The following INSL4 variants were observed in gnomAD, a reference collection of about 807,000 sequenced individuals.
INSL4 encodes early placenta insulin-like peptide.
INSL4 carries 7 observed loss-of-function variants against 6.5 expected under a neutral mutation model. That is an observed-to-expected ratio of 1.08 (90% CI 0.61 to 2.02). The LOEUF is 2.02. Among genes scored for constraint, INSL4 ranks in the 30% most tolerant of loss-of-function variants. The pLI is 0.00. For missense variants in INSL4, 226 were observed against 163.2 expected (o/e 1.38, Z -2.09); for synonymous variants, 82 against 65.8 (o/e 1.25, Z -1.19).
chr9:5,233,517 A>G, intron 1 of INSL4, 137 bp from the exon 2 acceptor site: 1 of 646,702 alleles, frequency 1.5e-6, no homozygotes, highest in Non-Finnish European at 2.7e-6. Context: ...ATGTTAGGAT[A>G]CTTGCTGATT....
chr9:5,233,361 G>C (rs1015279112), intron 1 of INSL4, among the ~76,000 whole-genome samples: 1 of 152,126 alleles, frequency 6.6e-6, no homozygotes, highest in African/African-American at 2.4e-5. Flanking sequence ...AATCAAAACA[G>C]TGTCAGGGAG....
intron 1 of INSL4, 96 bp from the exon 2 acceptor site, chr9:5,233,557 TG>T (rs150718663): frequency 0.25 from 201,005 of 806,244 alleles, 27,358 homozygotes; most frequent in South Asian, 0.3. Flanking sequence ...ATGGAGGCAA[TG>T]GGTACATTGT....
chr9:5,232,490 T>G (rs10125487), intron 1 of INSL4, among the ~76,000 whole-genome samples: 3,964 of 152,236 alleles, frequency 0.026, 184 homozygotes, highest in African/African-American at 0.091. Context: ...AATTTCACTG[T>G]TCAGACCATC....
chr9:5,233,820 T>C lies in INSL4; in HGVS notation c.363T>C (p.Asp121=), dbSNP rs1240715532. Residue 121 remains aspartate, a synonymous_variant, in exon 2 of 2, where the codon GAT becomes GAC. Coordinates refer to ENST00000239316, the MANE Select transcript of INSL4 (RefSeq NM_002195.2). ...RKKRSGRHRF[D]PFCCEVICDD... The stretch of plus-strand genomic sequence containing the variant: ...AGAGAAGTGGACGTCACAGATTTGA[T>C]CCATTCTGTTGTGAAGTAATTTGTG... 1.9e-6 allele frequency: 3 copies of C among 1,613,580 alleles called. No individual in the cohort carries two copies. Among genetic ancestry groups the C allele is most frequent in the Non-Finnish European group, 2.5e-6 (3 of 1,179,712 alleles).
In INSL4 at chr9:5,233,697, T is replaced by G; in HGVS notation, c.240T>G (p.Gly80=). The G allele has an allele frequency of 6.2e-7, 1 of 1,613,666 alleles. No homozygotes were observed. Among genetic ancestry groups the G allele is most frequent in the South Asian group, 1.1e-5 (1 of 91,064 alleles). The part of the protein sequence containing the change: ...TSNNKDGQAL[G]TTSEFIPNLS... Reference sequence around the variant, plus strand: ...ACAACAAAGATGGACAAGCCTTAGGTACGACATCAGAATTCATTCCTAATT... The same window carrying G: ...ACAACAAAGATGGACAAGCCTTAGGGACGACATCAGAATTCATTCCTAATT... Residue 80 remains glycine (G), a synonymous_variant, in exon 2 of 2, where the codon GGT becomes GGG. Transcript: ENST00000239316.
chr9:5,233,602 C>G, intron 1 of INSL4, 52 bp from the exon 2 acceptor site: 1 of 1,439,430 alleles, frequency 6.9e-7, no homozygotes. Context: ...TTCTGATCCT[C>G]TTTCACATGA....
rs1826210020 is a variant in INSL4 at position 5,235,266 on chromosome 9, A to C, written c.*1389A>C. ...TCAAACGATTCCACACAATGCAGCTATGGGGTTTAGGCTGCATCCTGGAGT... is the reference window on the plus strand; with the variant it reads ...TCAAACGATTCCACACAATGCAGCTCTGGGGTTTAGGCTGCATCCTGGAGT... On this transcript the variant is annotated 3_prime_UTR_variant, in exon 2 of 2. Coordinates refer to ENST00000239316, the MANE Select transcript of INSL4 (RefSeq NM_002195.2). 1 of 152,584 alleles carries C rather than the reference A, an allele frequency of 6.6e-6. No individual in the cohort carries two copies. The highest frequency in any genetic ancestry group is 6.6e-5 in the Admixed American group (1 of 15,246). 9.5% of individuals were successfully genotyped at this position (152,584 alleles called of 1,614,324 possible).
chr9:5,233,849 A>T lies in INSL4; in HGVS notation c.392A>T (p.Asp131Val), dbSNP rs1218427388. The change falls in exon 2 of 2, where the codon GAT becomes GTT. Residue 131 changes from aspartate to valine, a missense_variant. Physicochemically the swap from Asp to Val is radical, Grantham distance 152. Coordinates refer to ENST00000239316, the MANE Select transcript of INSL4 (RefSeq NM_002195.2). ...DPFCCEVICD[D>V]GTSVKLCT Reference sequence around the variant, plus strand: ...TTCTGTTGTGAAGTAATTTGTGACGATGGAACTTCAGTTAAATTATGTACA... The same window carrying T: ...TTCTGTTGTGAAGTAATTTGTGACGTTGGAACTTCAGTTAAATTATGTACA... 1.9e-6 allele frequency: 3 copies of T among 1,612,852 alleles called. No homozygotes were observed. Among genetic ancestry groups the T allele is most frequent in the Non-Finnish European group, 2.5e-6 (3 of 1,179,128 alleles).
chr9:5,233,760 G>A lies in INSL4; in HGVS notation c.303G>A (p.Gln101=). The A allele has an allele frequency of 6.2e-7, 1 of 1,613,640 alleles. No homozygotes were observed. Among genetic ancestry groups the A allele is most frequent in the Non-Finnish European group, 8.5e-7 (1 of 1,179,660 alleles). Residue 101 remains glutamine, a synonymous_variant, in exon 2 of 2, where the codon CAG becomes CAA. Transcript: ENST00000239316. ...PELKKPLSEG[Q]PSLKKIILSR... ...TGAAGAAACCACTGTCTGAAGGGCA[G>A]CCATCATTGAAGAAAATAATACTTT...
At chr9:5,233,475 G>C (rs1018584528) in intron 1 of INSL4, among the ~76,000 whole-genome samples, 179 bp from the exon 2 acceptor site, 53 of 152,122 alleles carry the variant, frequency 3.5e-4, no homozygotes, top group African/African-American at 1.1e-3. Flanking sequence ...GTATCTTAAA[G>C]TGCCCTACTC....
Position 5,232,336 on chromosome 9 carries a change from GT to G in INSL4, c.196+625del, listed in dbSNP as rs549049604. Among the ~76,000 whole-genome samples the G allele has an allele frequency of 5.3e-5, 8 of 152,036 alleles. No individual in the cohort carries two copies. The South Asian group carries it at 1.2e-3, about 24-fold the overall frequency. On this transcript the variant is annotated intron_variant, in intron 1 of 1. Coordinates refer to ENST00000239316, the MANE Select transcript of INSL4 (RefSeq NM_002195.2). Reference sequence around the variant, plus strand: ...ACCAAAAACGTCCTCTTACAAAAAAGTTTTTTTTAATGCACACCAACAGAGC... The same window carrying G: ...ACCAAAAACGTCCTCTTACAAAAAAGTTTTTTTAATGCACACCAACAGAGC...
intron 1 of INSL4, among the ~76,000 whole-genome samples, chr9:5,232,130 C>A (rs1392281032): frequency 6.6e-6 from 1 of 151,988 alleles, no homozygotes; most frequent in African/African-American, 2.4e-5. Context: ...CAGGCATCTT[C>A]AATTAAGAAG....
rs140074452 is a variant in INSL4 at position 5,233,871 on chromosome 9, T to C, written c.414T>C (p.Cys138=). Residue 138 remains cysteine, a synonymous_variant, in exon 2 of 2, where the codon TGT becomes TGC. Transcript: ENST00000239316. ...ACGATGGAACTTCAGTTAAATTATG[T>C]ACATAGTAGAGTAATCATGGACTGG... ...ICDDGTSVKL[C]T 7 of 1,603,064 alleles carry C rather than the reference T, an allele frequency of 4.4e-6. No homozygotes were observed. Among genetic ancestry groups the C allele is most frequent in the Non-Finnish European group, 6.0e-6 (7 of 1,170,434 alleles).
chr9:5,231,790 C>G, intron 1 of INSL4, 71 bp downstream of exon 1: 1 of 1,303,332 alleles, frequency 7.7e-7, no homozygotes, highest in Admixed American at 2.0e-5. Context: ...CATTGACTGC[C>G]TGTAGTCAAC....
intron 1 of INSL4, among the ~76,000 whole-genome samples, chr9:5,232,701 T>C (rs183294046): frequency 2.0e-3 from 308 of 152,338 alleles, no homozygotes; most frequent in African/African-American, 7.0e-3. Context: ...TACTATATTC[T>C]GTCTAATAGG....
chr9:5,231,755 G>A, intron 1 of INSL4, 36 bp downstream of exon 1: 1 of 1,589,584 alleles, frequency 6.3e-7, no homozygotes. Context: ...TCAGAATGAG[G>A]CCTGAAAAAA....
In INSL4 at chr9:5,231,659, C is replaced by G; in HGVS notation, c.136C>G (p.Pro46Ala). Reference sequence around the variant, plus strand: ...ACACTTGCTGTCATATTGCCCCATGCCTGAGAAGACATTCACCACCACCCC... The same window carrying G: ...ACACTTGCTGTCATATTGCCCCATGGCTGAGAAGACATTCACCACCACCCC... ...GKHLLSYCPM[P>A]EKTFTTTPGG... Residue 46 changes from proline (P) to alanine (A), a missense_variant, in exon 1 of 2, where the codon CCT becomes GCT. Coordinates refer to ENST00000239316, the MANE Select transcript of INSL4 (RefSeq NM_002195.2). The G allele has an allele frequency of 6.2e-7, 1 of 1,613,830 alleles. No homozygotes were observed. Among genetic ancestry groups the G allele is most frequent in the Middle Eastern group, 1.7e-4 (1 of 6,056 alleles).
chr9:5,231,494 A>C lies in INSL4; in HGVS notation c.-30A>C, dbSNP rs759442319. On this transcript the variant is annotated 5_prime_UTR_variant, in exon 1 of 2. Transcript: ENST00000239316. ...GCAAGTCTCTAAAGAAAGGCTGAGAACACCCAGAACAGGAGAGTTCAGGTC... is the reference window on the plus strand; with the variant it reads ...GCAAGTCTCTAAAGAAAGGCTGAGACCACCCAGAACAGGAGAGTTCAGGTC... The C allele has an allele frequency of 6.3e-7, 1 of 1,598,496 alleles. No homozygotes were observed. The highest frequency in any genetic ancestry group is 1.3e-5 in the African/African-American group (1 of 74,554).
At chr9:5,233,508 T>C (rs1826177948) in intron 1 of INSL4, 146 bp from the exon 2 acceptor site, 1 of 635,616 alleles carries the variant, frequency 1.6e-6, no homozygotes, top group East Asian at 2.7e-5. Flanking sequence ...GTTGTTGAAA[T>C]GTTAGGATAC....
Sources: gnomAD v4.1 joint callset for allele counts (sites outside exome capture counted in the v4.1 genomes callset) on GRCh38, gnomAD v4.1.1 for gene constraint, MANE v1.5 for transcripts, NCBI Gene and HGNC (gene_info 2026-07-23, HGNC 2026-07-21) for gene names.